PPM1H: variants seen among roughly 807,000 people sequenced by gnomAD.
PPM1H encodes protein phosphatase, Mg2+/Mn2+ dependent 1H, also known as protein phosphatase 1H.
A neutral mutation model predicts 54.9 loss-of-function variants in PPM1H; 27 were observed. The ratio of observed to expected loss-of-function variants is 0.49; its 90% CI spans 0.36 to 0.68. The LOEUF (loss-of-function observed/expected upper bound fraction) is 0.68. Ranked by LOEUF, PPM1H falls within the 30% of genes least tolerant of loss-of-function variation. The pLI is 0.00. For missense variants in PPM1H, 596 were observed against 667.8 expected (o/e 0.89, Z 1.19); for synonymous variants, 305 against 270.8 (o/e 1.13, Z -1.24).
intron 1 of PPM1H, among the ~76,000 whole-genome samples, chr12:62,929,355 T>C (rs973827033): frequency 6.6e-6 from 1 of 152,160 alleles, no homozygotes; most frequent in Non-Finnish European, 1.5e-5. Flanking sequence ...TAGCAAAAAT[T>C]CAAGGGGACA....
chr12:62,832,881 C>T (rs915124125), intron 1 of PPM1H, among the ~76,000 whole-genome samples: 1 of 152,124 alleles, frequency 6.6e-6, no homozygotes, highest in Non-Finnish European at 1.5e-5. Context: ...GAATAATACT[C>T]ATCACACTGG....
chr12:62,722,279 C>T (rs1034895957), intron 5 of PPM1H, among the ~76,000 whole-genome samples: 2 of 152,184 alleles, frequency 1.3e-5, no homozygotes, highest in African/African-American at 4.8e-5. Context: ...ATCCACTACC[C>T]AAGCTGGACT....
intron 1 of PPM1H, among the ~76,000 whole-genome samples, chr12:62,848,886 T>TG (rs950948293): frequency 1.0e-4 from 15 of 147,688 alleles, no homozygotes; most frequent in South Asian, 8.7e-4. Flanking sequence ...CTGGTGGGGT[T>TG]GGGGGGGCAG....
chr12:62,764,821 G>A (rs1030480592), intron 4 of PPM1H, among the ~76,000 whole-genome samples: 2 of 152,172 alleles, frequency 1.3e-5, no homozygotes, highest in African/African-American at 4.8e-5. Flanking sequence ...GGACTGGCAC[G>A]GGGGGCCATG....
intron 6 of PPM1H, among the ~76,000 whole-genome samples, chr12:62,712,669 C>A (rs1323401720): frequency 6.6e-6 from 1 of 152,180 alleles, no homozygotes; most frequent in Admixed American, 6.5e-5. Context: ...ACTCAAGAGT[C>A]AAGCTGTTCA....
chr12:62,705,915 T>G (rs1565762837), intron 6 of PPM1H, among the ~76,000 whole-genome samples: 1 of 152,164 alleles, frequency 6.6e-6, no homozygotes, highest in Non-Finnish European at 1.5e-5. Context: ...GCAAACAGAT[T>G]ATTAATTACA....
chr12:62,692,383 C>T (rs960197400), intron 7 of PPM1H, among the ~76,000 whole-genome samples: 19 of 152,216 alleles, frequency 1.2e-4, no homozygotes, highest in African/African-American at 4.6e-4. Context: ...AATTAGAAAA[C>T]TCTTGCTCCT....
intron 2 of PPM1H, among the ~76,000 whole-genome samples, chr12:62,828,977 A>AT (rs1298324946): frequency 6.6e-6 from 1 of 152,048 alleles, no homozygotes; most frequent in African/African-American, 2.4e-5. Flanking sequence ...ACGTGGAGAA[A>AT]TAGGAACCCC....
chr12:62,850,741 G>C (rs563574941), intron 1 of PPM1H: 1 of 148,624 alleles, frequency 6.7e-6, no homozygotes, highest in Admixed American at 6.7e-5. Flanking sequence ...TCTTTTTTAG[G>C]GGAAAGCATG....
At chr12:62,802,258 G>A (rs2120749058) in intron 2 of PPM1H, 98 bp from the exon 3 acceptor site, 1 of 956,640 alleles carries the variant, frequency 1.0e-6, no homozygotes, top group South Asian at 2.2e-5. Flanking sequence ...GGGTCCACTT[G>A]GTTGTCTGTC....
At chr12:62,878,626 T>A (rs1487011605) in intron 1 of PPM1H, among the ~76,000 whole-genome samples, 30 of 81,560 alleles carry the variant, frequency 3.7e-4, no homozygotes, top group African/African-American at 9.6e-4. Context: ...TGATTACGCT[T>A]AAAAAAAAAA....
At chr12:62,861,226 C>T (rs375634829) in intron 1 of PPM1H, among the ~76,000 whole-genome samples, 2 of 152,330 alleles carry the variant, frequency 1.3e-5, no homozygotes. Context: ...ACCATAACCA[C>T]CTTCCTTCCA....
chr12:62,732,859 C>T (rs958072245), intron 5 of PPM1H, among the ~76,000 whole-genome samples: 12 of 152,072 alleles, frequency 7.9e-5, no homozygotes, highest in African/African-American at 2.9e-4. Context: ...ATTTGATTTA[C>T]CCTAAGAACA....
chr12:62,909,536 G>T (rs1565826395), intron 1 of PPM1H, among the ~76,000 whole-genome samples: 2 of 152,036 alleles, frequency 1.3e-5, no homozygotes, highest in Non-Finnish European at 2.9e-5. Context: ...TCTGATTTCT[G>T]CTGGCCAGCA....
chr12:62,907,294 A>G (rs949097025), intron 1 of PPM1H, among the ~76,000 whole-genome samples: 3 of 152,234 alleles, frequency 2.0e-5, no homozygotes, highest in African/African-American at 7.2e-5. Context: ...CATGATCATT[A>G]CATTTCATCA....
At chr12:62,828,070 G>GT (rs1222788268) in intron 2 of PPM1H, among the ~76,000 whole-genome samples, 1 of 152,192 alleles carries the variant, frequency 6.6e-6, no homozygotes, top group African/African-American at 2.4e-5. Context: ...ACTTATCTCT[G>GT]TGGATGTTTT....
chr12:62,730,608 G>C (rs553239341), intron 5 of PPM1H, among the ~76,000 whole-genome samples: 1 of 152,062 alleles, frequency 6.6e-6, no homozygotes, highest in African/African-American at 2.4e-5. Flanking sequence ...CACAGCATTT[G>C]AGAGAAAGTA....
intron 8 of PPM1H, among the ~76,000 whole-genome samples, chr12:62,689,403 A>C (rs1297435183): frequency 6.6e-6 from 1 of 152,146 alleles, no homozygotes; most frequent in Non-Finnish European, 1.5e-5. Context: ...GTTTCTGAGC[A>C]ATTAGGAGTC....
intron 1 of PPM1H, among the ~76,000 whole-genome samples, chr12:62,847,779 A>G (rs577713685): frequency 1.3e-5 from 2 of 152,194 alleles, no homozygotes; most frequent in South Asian, 2.1e-4. Context: ...AAACTTACAT[A>G]GATAACTATT....
Sources: allele counts gnomAD v4.1 joint callset (sites outside exome capture counted in the v4.1 genomes callset), GRCh38; gene constraint gnomAD v4.1.1; transcripts MANE v1.5; gene names NCBI Gene and HGNC (gene_info 2026-07-23, HGNC 2026-07-21).